Variants in LRCH1 observed in about 807,000 individuals in gnomAD.
LRCH1 encodes the protein leucine rich repeats and calponin homology domain containing 1.
LRCH1 carries 23 observed loss-of-function variants against 94.9 expected under a neutral mutation model. The observed-to-expected ratio is 0.24, with a 90% CI of 0.17 to 0.34. LRCH1 has a LOEUF of 0.34. Ranked by LOEUF, LRCH1 falls within the 10% of genes least tolerant of loss-of-function variation. The probability of loss-of-function intolerance (pLI) is 1.00; values close to 1 mark genes in which losing one functional copy is unlikely to be tolerated. For synonymous variants in LRCH1, 364 were observed against 354.9 expected, an observed-to-expected ratio of 1.03 and a Z score of -0.29; for missense variants, 790 against 945.9, an observed-to-expected ratio of 0.84 and a Z score of 2.16.
At chr13:46,697,477 A>G (rs547784291) in intron 9 of LRCH1, among the ~76,000 whole-genome samples, 12 of 152,328 alleles carry the variant, frequency 7.9e-5, no homozygotes, top group South Asian at 2.1e-4. Context: ...GCATATCACA[A>G]CTTCCTTGGG....
chr13:46,583,359 G>T (rs2050394461), intron 1 of LRCH1, among the ~76,000 whole-genome samples: 1 of 152,214 alleles, frequency 6.6e-6, no homozygotes, highest in African/African-American at 2.4e-5. Context: ...ATTGTACCAA[G>T]ATATCTTTCT....
chr13:46,696,194 G>GCACA (rs1566232860), intron 9 of LRCH1, among the ~76,000 whole-genome samples: 5 of 117,836 alleles, frequency 4.2e-5, no homozygotes, highest in African/African-American at 2.1e-4. Context: ...ATGCATGTGT[G>GCACA]TACACACACA....
At chr13:46,572,156 C>T (rs1055983202) in intron 1 of LRCH1, among the ~76,000 whole-genome samples, 3 of 152,236 alleles carry the variant, frequency 2.0e-5, no homozygotes, top group East Asian at 1.9e-4. Flanking sequence ...CACTCCTCTT[C>T]CTACTTGTAC....
At chr13:46,621,485 G>A (rs754483361) in intron 1 of LRCH1, among the ~76,000 whole-genome samples, 8 of 152,174 alleles carry the variant, frequency 5.3e-5, no homozygotes, top group Non-Finnish European at 1.2e-4. Flanking sequence ...GAGCAGGAGA[G>A]TGACAGGCTT....
chr13:46,605,449 G>A (rs1289764424), intron 1 of LRCH1, among the ~76,000 whole-genome samples: 1 of 151,884 alleles, frequency 6.6e-6, no homozygotes, highest in Non-Finnish European at 1.5e-5. Context: ...AAAAAATTCC[G>A]GATTATTTTC....
At chr13:46,614,728 G>A (rs1378277580) in intron 1 of LRCH1, among the ~76,000 whole-genome samples, 2 of 152,024 alleles carry the variant, frequency 1.3e-5, no homozygotes, top group Admixed American at 6.6e-5. Context: ...TCCCTCTGCC[G>A]GGGAGCGCCA....
chr13:46,705,797 A>G (rs1445955884), intron 13 of LRCH1, among the ~76,000 whole-genome samples: 3 of 152,340 alleles, frequency 2.0e-5, no homozygotes, highest in South Asian at 2.1e-4. Flanking sequence ...AAGACAGGGT[A>G]AGGATGGGTT....
intron 1 of LRCH1, among the ~76,000 whole-genome samples, chr13:46,595,660 G>C (rs1421936899): frequency 1.3e-5 from 2 of 152,230 alleles, no homozygotes; most frequent in Non-Finnish European, 2.9e-5. Context: ...ACTCAGAAGA[G>C]ATGAGTTCCA....
At chr13:46,574,062 T>G (rs2050274948) in intron 1 of LRCH1, among the ~76,000 whole-genome samples, 1 of 151,140 alleles carries the variant, frequency 6.6e-6, no homozygotes, top group Admixed American at 6.6e-5. Context: ...GCCAGGCTGG[T>G]CTCGAACTCC....
exon 19 of LRCH1, chr13:46,751,394 C>T (rs1181075202): frequency 6.6e-6 from 1 of 152,024 alleles, no homozygotes; most frequent in Non-Finnish European, 1.5e-5. Flanking sequence ...GTTTGTGGAA[C>T]GTTGGTCTTA....
chr13:46,725,560 C>G (rs1872774239), intron 17 of LRCH1, among the ~76,000 whole-genome samples: 1 of 152,114 alleles, frequency 6.6e-6, no homozygotes. Context: ...AATAAATACA[C>G]AGTTTCAGAG....
intron 2 of LRCH1, among the ~76,000 whole-genome samples, chr13:46,653,073 C>T (rs780767850): frequency 2.6e-5 from 4 of 152,070 alleles, no homozygotes; most frequent in Non-Finnish European, 5.9e-5. Flanking sequence ...TTCATTGAAA[C>T]GGATCATGGC....
intron 1 of LRCH1, among the ~76,000 whole-genome samples, chr13:46,617,544 T>G (rs2050825149): frequency 6.6e-6 from 1 of 152,252 alleles, no homozygotes; most frequent in Non-Finnish European, 1.5e-5. Context: ...GGCCCCTGCC[T>G]TGTAACCATG....
chr13:46,681,201 A>G (rs2051745726), intron 3 of LRCH1, among the ~76,000 whole-genome samples: 1 of 152,238 alleles, frequency 6.6e-6, no homozygotes, highest in Non-Finnish European at 1.5e-5. Flanking sequence ...TTTTAAATAA[A>G]TAGTGCATCC....
chr13:46,720,934 T>C lies in LRCH1; in HGVS notation c.1760-2287T>C, dbSNP rs1190813340. 3.9e-5 allele frequency among the ~76,000 whole-genome samples: 6 copies of C among 152,246 alleles called. No homozygotes were observed. In the East Asian group the frequency reaches 1.2e-3, roughly 29 times the overall value. On this transcript the variant is annotated intron_variant, in intron 16 of 19. Transcript: ENST00000389797. ...ATATAGTCATTATTTCTGATCATTT[T>C]ATGTATTTCTGATAATTTTAAGTGT... is the stretch of plus-strand genomic sequence containing the variant.
intron 13 of LRCH1, among the ~76,000 whole-genome samples, chr13:46,708,269 A>G (rs1358845599): frequency 7.4e-6 from 1 of 134,586 alleles, no homozygotes; most frequent in Non-Finnish European, 1.5e-5. Context: ...TCTAGTTTTC[A>G]TCCCATCTTT....
intron 1 of LRCH1, among the ~76,000 whole-genome samples, chr13:46,587,210 A>G (rs1189554848): frequency 6.6e-6 from 1 of 152,232 alleles, no homozygotes; most frequent in Non-Finnish European, 1.5e-5. Flanking sequence ...ATTCTAGAGA[A>G]GAGTGGAGAG....
At chr13:46,560,123 A>T (rs1253932457) in intron 1 of LRCH1, among the ~76,000 whole-genome samples, 1 of 148,218 alleles carries the variant, frequency 6.7e-6, no homozygotes, top group Non-Finnish European at 1.5e-5. Flanking sequence ...TCTTTTGTGT[A>T]TACATTTCTG....
intron 2 of LRCH1, among the ~76,000 whole-genome samples, chr13:46,667,943 A>G (rs536354940): frequency 2.6e-5 from 4 of 152,360 alleles, no homozygotes; most frequent in Admixed American, 6.5e-5. Flanking sequence ...ATGCATGTCT[A>G]TAAATACACT....
Sources: gnomAD v4.1 joint callset for allele counts (sites outside exome capture counted in the v4.1 genomes callset) on GRCh38, gnomAD v4.1.1 for gene constraint, MANE v1.5 for transcripts, NCBI Gene and HGNC (gene_info 2026-07-23, HGNC 2026-07-21) for gene names.